The following CCDC60 variants were observed in gnomAD, a reference collection of about 807,000 sequenced individuals.
CCDC60 encodes the protein coiled-coil domain containing 60, also known as coiled-coil domain-containing protein 60.
CCDC60 carries 54 observed loss-of-function variants against 63.5 expected under a neutral mutation model. The observed-to-expected ratio is 0.85, with a 90% CI of 0.68 to 1.07. The LOEUF (loss-of-function observed/expected upper bound fraction) is 1.07, where lower values mean the gene tolerates loss of function less well. Among genes scored for constraint, CCDC60 ranks in the 50% least tolerant of loss-of-function variants. CCDC60 has a pLI of 0.00. For missense variants in CCDC60, 651 were observed against 684.3 expected (o/e 0.95, Z 0.54); for synonymous variants, 206 against 238.8 (o/e 0.86, Z 1.27).
At chr12:119,381,900 G>T (rs931302070) in intron 1 of CCDC60, among the ~76,000 whole-genome samples, 2 of 152,238 alleles carry the variant, frequency 1.3e-5, no homozygotes, top group Non-Finnish European at 2.9e-5. Flanking sequence ...TACAACCAGA[G>T]ACCCTTTAAG....
chr12:119,497,855 T>G (rs1471171605), intron 5 of CCDC60, among the ~76,000 whole-genome samples: 1 of 152,236 alleles, frequency 6.6e-6, no homozygotes. Flanking sequence ...TGCTCCTTCT[T>G]CTGGCTGGAT....
chr12:119,454,148 A>G (rs1379314845), intron 2 of CCDC60, among the ~76,000 whole-genome samples: 1 of 152,130 alleles, frequency 6.6e-6, no homozygotes. Context: ...AGAACAGACC[A>G]TTTCCAAAAC....
chr12:119,435,508 C>T (rs1950308535), intron 2 of CCDC60, among the ~76,000 whole-genome samples: 2 of 152,120 alleles, frequency 1.3e-5, no homozygotes, highest in South Asian at 4.1e-4. Flanking sequence ...GTAATGTTGC[C>T]CTACAAAAGA....
At chr12:119,489,468 T>C (rs1471686390) in intron 5 of CCDC60, among the ~76,000 whole-genome samples, 1 of 152,102 alleles carries the variant, frequency 6.6e-6, no homozygotes, top group Admixed American at 6.5e-5. Context: ...CTCCAGAACA[T>C]GTTGTCTAGG....
chr12:119,437,885 C>G (rs1950358349), intron 2 of CCDC60, among the ~76,000 whole-genome samples: 1 of 152,202 alleles, frequency 6.6e-6, no homozygotes, highest in African/African-American at 2.4e-5. Flanking sequence ...TCAAAGAAGA[C>G]CTTAGTCCTC....
In CCDC60 at chr12:119,373,525, A is replaced by C. The variant is rs114444214; in HGVS notation, c.90+38259A>C. On this transcript the variant is annotated intron_variant, in intron 1 of 13. Coordinates refer to ENST00000327554, the MANE Select transcript of CCDC60 (RefSeq NM_178499.5). ...ACTACATGCCTCTGAGTGTAGGACCATGTCTGTCACCGTGGTGAGCAATTT... is the reference window on the plus strand; with the variant it reads ...ACTACATGCCTCTGAGTGTAGGACCCTGTCTGTCACCGTGGTGAGCAATTT... 3.9e-3 allele frequency among the ~76,000 whole-genome samples: 594 copies of C among 152,218 alleles called. 2 individuals carry two copies. The highest frequency in any genetic ancestry group is 0.014 in the African/African-American group (579 of 41,540).
intron 3 of CCDC60, among the ~76,000 whole-genome samples, chr12:119,478,368 CCA>C (rs1491587049): frequency 1.3e-5 from 2 of 151,534 alleles, no homozygotes; most frequent in Admixed American, 6.6e-5. Flanking sequence ...CCACCCCCCC[CCA>C]AAAAAAATCC....
chr12:119,470,490 C>T (rs1037841455), intron 2 of CCDC60, among the ~76,000 whole-genome samples: 1 of 152,178 alleles, frequency 6.6e-6, no homozygotes, highest in African/African-American at 2.4e-5. Flanking sequence ...TGGAAAATCC[C>T]GACCTCCCGC....
intron 2 of CCDC60, 53 bp downstream of exon 2, chr12:119,428,815 G>A: frequency 8.3e-7 from 1 of 1,210,478 alleles, no homozygotes; most frequent in Non-Finnish European, 1.2e-6. Flanking sequence ...GGCATGAGCA[G>A]GCTATGGGGT....
chr12:119,430,763 G>A (rs1456898248), intron 2 of CCDC60, among the ~76,000 whole-genome samples: 1 of 151,692 alleles, frequency 6.6e-6, no homozygotes, highest in Non-Finnish European at 1.5e-5. Flanking sequence ...AACCGACCCT[G>A]CTGGCACCTG....
intron 5 of CCDC60, among the ~76,000 whole-genome samples, chr12:119,491,636 A>G (rs1380537975): frequency 1.3e-5 from 2 of 151,976 alleles, no homozygotes; most frequent in East Asian, 1.9e-4. Context: ...CCCCTTACAC[A>G]TATCTTTTAT....
At chr12:119,344,264 C>T (rs2136145583) in intron 1 of CCDC60, among the ~76,000 whole-genome samples, 1 of 152,248 alleles carries the variant, frequency 6.6e-6, no homozygotes, top group Admixed American at 6.5e-5. Flanking sequence ...GGGGGCAAGA[C>T]CATCCACAGT....
intron 2 of CCDC60, among the ~76,000 whole-genome samples, chr12:119,441,139 T>G (rs1162978636): frequency 6.6e-6 from 1 of 152,100 alleles, no homozygotes; most frequent in Non-Finnish European, 1.5e-5. Flanking sequence ...AACTTGGAGG[T>G]CCATGTTTTA....
At chr12:119,463,015 G>T (rs1479614917) in intron 2 of CCDC60, among the ~76,000 whole-genome samples, 1 of 152,010 alleles carries the variant, frequency 6.6e-6, no homozygotes, top group Non-Finnish European at 1.5e-5. Flanking sequence ...GTAGAGACAG[G>T]GTTTCGCCAT....
Position 119,344,816 on chromosome 12 carries a change from T to TTCTC in CCDC60, c.90+9566_90+9569dup, listed in dbSNP as rs369578003. 2.5e-3 allele frequency among the ~76,000 whole-genome samples: 280 copies of TTCTC among 110,306 alleles called. 1 individual carries two copies. The highest frequency in any genetic ancestry group is 0.01 in the African/African-American group (272 of 27,022). The allele number at this position is 110,306 out of a possible 152,430, so 72.4% of individuals were successfully genotyped here. Reference sequence around the variant, plus strand: ...ATATCTTCTTCCTCCTCTTAGAACATTCTCTCTCTCTCTCTCTCTTTCTCT... The same window carrying TTCTC: ...ATATCTTCTTCCTCCTCTTAGAACATTCTCTCTCTCTCTCTCTCTCTCTTTCTCT... On this transcript the variant is annotated intron_variant, in intron 1 of 13. Transcript: ENST00000327554.
intron 2 of CCDC60, among the ~76,000 whole-genome samples, chr12:119,436,601 C>T (rs995538920): frequency 1.9e-4 from 28 of 149,966 alleles, no homozygotes; most frequent in African/African-American, 6.7e-4. Context: ...TGCAATGGCA[C>T]GATCTCGGCT....
intron 1 of CCDC60, among the ~76,000 whole-genome samples, chr12:119,361,201 G>A (rs1203358696): frequency 2.0e-5 from 3 of 149,390 alleles, no homozygotes; most frequent in Non-Finnish European, 3.0e-5. Flanking sequence ...AGGGAGACGA[G>A]AGGGAGAGGG....
chr12:119,378,391 T>C (rs1955976105), intron 1 of CCDC60, among the ~76,000 whole-genome samples: 1 of 152,176 alleles, frequency 6.6e-6, no homozygotes, highest in Non-Finnish European at 1.5e-5. Flanking sequence ...AGGAAATGAT[T>C]TGGGGGCTGC....
intron 1 of CCDC60, among the ~76,000 whole-genome samples, chr12:119,386,688 C>T (rs1956066462): frequency 6.6e-6 from 1 of 152,134 alleles, no homozygotes; most frequent in Non-Finnish European, 1.5e-5. Context: ...AGAAATGACA[C>T]TGTCAGAGAA....
Sources: gnomAD v4.1 joint callset for allele counts (sites outside exome capture counted in the v4.1 genomes callset) on GRCh38, gnomAD v4.1.1 for gene constraint, MANE v1.5 for transcripts, NCBI Gene and HGNC (gene_info 2026-07-23, HGNC 2026-07-21) for gene names.